The following GALNT10 variants were observed in gnomAD, a reference collection of about 807,000 sequenced individuals.
The protein encoded by GALNT10 is polypeptide N-acetylgalactosaminyltransferase 10.
GALNT10 carries 41 observed loss-of-function variants against 75.0 expected under a neutral mutation model. That is an observed-to-expected ratio of 0.55 (90% CI 0.43 to 0.71). GALNT10 has a LOEUF of 0.71. Among genes scored for constraint, GALNT10 ranks in the 30% least tolerant of loss-of-function variants. The probability of loss-of-function intolerance (pLI) is 0.00; values close to 1 mark genes in which losing one functional copy is unlikely to be tolerated. For missense variants in GALNT10, 727 were observed against 818.5 expected, an observed-to-expected ratio of 0.89 and a Z score of 1.36; for synonymous variants, 302 against 313.0, an observed-to-expected ratio of 0.96 and a Z score of 0.37.
At position 154,352,948 on chromosome 5, in the gene GALNT10, C is replaced by T. The variant is rs765099519; in HGVS notation, c.568+23210C>T. ...TTTCCTTCTGTCTCAAGCTCTGTGT[C>T]ATCCGAAGGTGAACTTGGATCCAGG... is the stretch of plus-strand genomic sequence containing the variant. On this transcript the variant is annotated intron_variant, in intron 4 of 11. Transcript: ENST00000297107. This position sits in a 1 kb window ranked among gnomAD's most constrained non-coding sequence, Gnocchi z 4.4. 7.9e-5 allele frequency among the ~76,000 whole-genome samples: 12 copies of T among 152,170 alleles called. No homozygotes were observed. The highest frequency in any genetic ancestry group is 1.8e-4 in the Non-Finnish European group (12 of 68,036).
At chr5:154,383,991 G>A (rs1051267830) in intron 6 of GALNT10, among the ~76,000 whole-genome samples, 2 of 152,178 alleles carry the variant, frequency 1.3e-5, no homozygotes, top group Non-Finnish European at 2.9e-5. Flanking sequence ...AGAGGGGGAA[G>A]CAAACACATC....
intron 1 of GALNT10, 32 bp downstream of exon 1, chr5:154,191,057 A>AC: frequency 7.4e-7 from 1 of 1,350,490 alleles, no homozygotes; most frequent in Non-Finnish European, 9.7e-7. Context: ...GGCCGGGAAC[A>AC]CCCCCTTCCC....
intron 1 of GALNT10, among the ~76,000 whole-genome samples, chr5:154,203,287 G>A (rs1397001732): frequency 6.6e-6 from 1 of 152,062 alleles, no homozygotes; most frequent in African/African-American, 2.4e-5. Flanking sequence ...TCCGTGATGT[G>A]TGTCTCTCTC....
intron 1 of GALNT10, among the ~76,000 whole-genome samples, chr5:154,266,035 A>T (rs1219181049): frequency 6.6e-6 from 1 of 152,222 alleles, no homozygotes; most frequent in Non-Finnish European, 1.5e-5. Context: ...ATAATCAGAA[A>T]TGTGGGATGT....
At chr5:154,290,079 A>G (rs1307253806) in intron 1 of GALNT10, among the ~76,000 whole-genome samples, 1 of 149,758 alleles carries the variant, frequency 6.7e-6, no homozygotes, top group African/African-American at 2.5e-5. Flanking sequence ...TTCAGGCTCC[A>G]TGTACTCTGT....
chr5:154,285,513 C>G (rs568671503), intron 1 of GALNT10, among the ~76,000 whole-genome samples: 2 of 152,126 alleles, frequency 1.3e-5, no homozygotes, highest in Non-Finnish European at 2.9e-5. Context: ...ATATCCAGCT[C>G]TTACAGATGA....
intron 3 of GALNT10, among the ~76,000 whole-genome samples, chr5:154,303,051 T>A (rs1029450606): frequency 7.9e-5 from 12 of 151,920 alleles, no homozygotes; most frequent in Non-Finnish European, 7.4e-5. Flanking sequence ...AGGTATAAAA[T>A]CACATTTGGG....
At chr5:154,346,825 G>T (rs1246543434) in intron 4 of GALNT10, among the ~76,000 whole-genome samples, 2 of 152,014 alleles carry the variant, frequency 1.3e-5, no homozygotes, top group African/African-American at 4.8e-5. Flanking sequence ...CAGACTTTGA[G>T]CTAGTACTTA....
At chr5:154,359,991 T>A (rs1001350418) in intron 4 of GALNT10, among the ~76,000 whole-genome samples, 15 of 152,064 alleles carry the variant, frequency 9.9e-5, no homozygotes, top group Admixed American at 9.8e-4. Flanking sequence ...TCAGTGTCTA[T>A]CCTGGAGAAT....
At chr5:154,286,638 A>T (rs1021482841) in intron 1 of GALNT10, among the ~76,000 whole-genome samples, 2 of 152,168 alleles carry the variant, frequency 1.3e-5, no homozygotes, top group Non-Finnish European at 2.9e-5. Flanking sequence ...TGGAGGGTTG[A>T]TATGGTTCTG....
intron 3 of GALNT10, among the ~76,000 whole-genome samples, chr5:154,316,647 GGACAGGAACGACA>G (rs1281543888): frequency 6.6e-6 from 1 of 152,162 alleles, no homozygotes; most frequent in Non-Finnish European, 1.5e-5. Context: ...GTATCCCACG[GGACAGGAACGACA>G]GCTTGTTTCC....
chr5:154,364,519 G>A (rs146590617), intron 4 of GALNT10, among the ~76,000 whole-genome samples: 133 of 152,232 alleles, frequency 8.7e-4, no homozygotes, highest in Middle Eastern at 3.4e-3. Context: ...TTTGCATGGG[G>A]AGGGGGCAGT....
intron 4 of GALNT10, among the ~76,000 whole-genome samples, chr5:154,348,143 C>T (rs574528211): frequency 1.6e-4 from 25 of 152,358 alleles, no homozygotes; most frequent in African/African-American, 2.9e-4. Context: ...TCTTCCTCCA[C>T]GGCTCAAGCC....
In GALNT10 at chr5:154,382,285, G is replaced by A. The variant is rs372658170; in HGVS notation, c.938+1654G>A. 3.8e-4 allele frequency among the ~76,000 whole-genome samples: 58 copies of A among 152,380 alleles called. No individual in the cohort carries two copies. The South Asian group carries it at 0.011, about 30-fold the overall frequency. ...AGCCTGAGCCAAGAGTGGAGAGCAAGAATGGATTCCATGTCTCCAGCAGCA... is the reference window on the plus strand; with the variant it reads ...AGCCTGAGCCAAGAGTGGAGAGCAAAAATGGATTCCATGTCTCCAGCAGCA... On this transcript the variant is annotated intron_variant, in intron 6 of 11. Coordinates refer to ENST00000297107, the MANE Select transcript of GALNT10 (RefSeq NM_198321.4).
intron 1 of GALNT10, among the ~76,000 whole-genome samples, chr5:154,275,408 A>G (rs1753934939): frequency 1.3e-5 from 2 of 152,228 alleles, no homozygotes; most frequent in South Asian, 2.1e-4. Flanking sequence ...ATCTTGTTGA[A>G]TAGACATAGA....
In GALNT10 at chr5:154,412,711, G is replaced by A. The variant is rs7712283; in HGVS notation, c.1387-178G>A. Reference sequence around the variant, plus strand: ...TTAAGGATTACATTCTGTGGACTGAGTCTTCCTTCATTGAGAGGCTCAAGG... The same window carrying A: ...TTAAGGATTACATTCTGTGGACTGAATCTTCCTTCATTGAGAGGCTCAAGG... On this transcript the variant is annotated intron_variant, in intron 9 of 11. Coordinates refer to ENST00000297107, the MANE Select transcript of GALNT10 (RefSeq NM_198321.4). This position sits in a 1 kb window ranked among gnomAD's most constrained non-coding sequence, Gnocchi z 4.2. 1,086 of 630,732 alleles carry A rather than the reference G, an allele frequency of 1.7e-3. 6 individuals carry two copies. In the African/African-American group the frequency reaches 0.018, roughly 11 times the overall value. 39.1% of individuals were successfully genotyped at this position (630,732 alleles called of 1,614,324 possible). A position where few individuals can be genotyped will look rare whatever the true frequency, so the allele number is the denominator to read the frequency against.
intron 7 of GALNT10, chr5:154,388,932 T>TGGGGAGGGAGAGAGGGAGGG (rs1755849983): frequency 1.4e-5 from 1 of 71,068 alleles, no homozygotes; most frequent in African/African-American, 5.5e-5. Flanking sequence ...AGAGAAGGAG[T>TGGGGAGGGAGAGAGGGAGGG]GGGGAGGGAG....
chr5:154,288,834 T>A (rs991327904), intron 1 of GALNT10, among the ~76,000 whole-genome samples: 2 of 152,240 alleles, frequency 1.3e-5, no homozygotes, highest in African/African-American at 4.8e-5. Context: ...ATTGCTGTCT[T>A]TTGAGAAGCA....
At chr5:154,211,732 C>CTA (rs1775201180) in intron 1 of GALNT10, among the ~76,000 whole-genome samples, 1 of 152,162 alleles carries the variant, frequency 6.6e-6, no homozygotes, top group African/African-American at 2.4e-5. Flanking sequence ...GCCGGTTAAT[C>CTA]TACTTCCAAG....
Sources: gnomAD v4.1 joint callset for allele counts (sites outside exome capture counted in the v4.1 genomes callset) on GRCh38, gnomAD v4.1.1 for gene constraint, Gnocchi (gnomAD v3.1) non-coding constraint, MANE v1.5 for transcripts, NCBI Gene and HGNC (gene_info 2026-07-23, HGNC 2026-07-21) for gene names.